The following SNX29 variants were observed in gnomAD, a reference collection of about 807,000 sequenced individuals.
The protein encoded by SNX29 is sorting nexin 29.
SNX29 carries 78 observed loss-of-function variants against 102.1 expected under a neutral mutation model. That is an observed-to-expected ratio of 0.76 (90% CI 0.64 to 0.92). The LOEUF (loss-of-function observed/expected upper bound fraction) is 0.92. Ranked by LOEUF, SNX29 falls within the 40% of genes least tolerant of loss-of-function variation. The probability of loss-of-function intolerance (pLI) is 0.00; values close to 1 mark genes in which losing one functional copy is unlikely to be tolerated. For synonymous variants in SNX29, 580 were observed against 414.5 expected (o/e 1.40, Z -4.85); for missense variants, 1,280 against 1,061.7 (o/e 1.21, Z -2.86).
intron 19 of SNX29, among the ~76,000 whole-genome samples, chr16:12,500,351 A>G (rs1051005570): frequency 1.3e-5 from 2 of 152,190 alleles, no homozygotes; most frequent in Non-Finnish European, 2.9e-5. Context: ...CTGCAGACCA[A>G]TAACTGAGGA....
intron 2 of SNX29, among the ~76,000 whole-genome samples, chr16:12,001,469 A>G (rs2056285627): frequency 6.6e-6 from 1 of 152,116 alleles, no homozygotes; most frequent in Non-Finnish European, 1.5e-5. Flanking sequence ...AAAGTGTTGC[A>G]TATGACTTTT....
intron 17 of SNX29, among the ~76,000 whole-genome samples, chr16:12,399,143 C>G (rs148952810): frequency 4.5e-4 from 69 of 152,136 alleles, no homozygotes; most frequent in Non-Finnish European, 6.2e-4. Context: ...CTCCGCCTAC[C>G]GGGTTTAAGT....
intron 16 of SNX29, among the ~76,000 whole-genome samples, chr16:12,363,593 C>T (rs2082367613): frequency 6.6e-6 from 1 of 152,202 alleles, no homozygotes; most frequent in African/African-American, 2.4e-5. Flanking sequence ...GACTCCGATC[C>T]CCTGTGCCTA....
intron 13 of SNX29, among the ~76,000 whole-genome samples, chr16:12,176,938 T>A (rs1447470751): frequency 6.8e-6 from 1 of 146,602 alleles, no homozygotes; most frequent in Non-Finnish European, 1.5e-5. Flanking sequence ...TGTTCAGGGT[T>A]TTTTTTTGTT....
chr16:12,045,748 C>T (rs1475990671), intron 5 of SNX29, among the ~76,000 whole-genome samples: 4 of 151,820 alleles, frequency 2.6e-5, no homozygotes, highest in East Asian at 3.9e-4. Context: ...CTCAGCCTCC[C>T]GAGTAGCTGG....
chr16:12,567,131 T>G (rs1323022881), intron 20 of SNX29, among the ~76,000 whole-genome samples: 2 of 152,218 alleles, frequency 1.3e-5, no homozygotes, highest in Non-Finnish European at 2.9e-5. Flanking sequence ...ACTCACATGA[T>G]TTGTGAAACT....
chr16:12,045,594 A>G (rs1225152667), intron 5 of SNX29, among the ~76,000 whole-genome samples: 1 of 133,322 alleles, frequency 7.5e-6, no homozygotes, highest in East Asian at 2.0e-4. Flanking sequence ...TCAGGTCTGT[A>G]ACCTAGGCAG....
Position 12,356,276 on chromosome 16 carries a change from A to G in SNX29, c.1896A>G (p.Gly632=). ...GGCAGGAGCTCATCGATCTCCGGGG[A>G]CCGGTGAGTGTTTCCCCAACCCTGT... is the stretch of plus-strand genomic sequence containing the variant. ...QMRQELIDLR[G]PVPGDLSQTS... Residue 632 remains glycine (G), a synonymous_variant, in exon 16 of 21, where the codon GGA becomes GGG. Coordinates refer to ENST00000566228, the MANE Select transcript of SNX29 (RefSeq NM_032167.5). 6.3e-7 allele frequency: 1 copy of G among 1,598,726 alleles called. No individual in the cohort carries two copies. The highest frequency in any genetic ancestry group is 1.1e-5 in the South Asian group (1 of 88,056).
intron 14 of SNX29, among the ~76,000 whole-genome samples, chr16:12,222,299 C>A (rs1596547465): frequency 6.6e-6 from 1 of 152,206 alleles, no homozygotes; most frequent in East Asian, 1.9e-4. Flanking sequence ...AATGGTTGAT[C>A]TGCCCACTGA....
At chr16:12,056,975 C>T (rs1176101923) in intron 8 of SNX29, among the ~76,000 whole-genome samples, 2 of 151,942 alleles carry the variant, frequency 1.3e-5, no homozygotes, top group African/African-American at 4.8e-5. Context: ...GTACATGCCA[C>T]CACGCCCAGC....
intron 11 of SNX29, among the ~76,000 whole-genome samples, chr16:12,120,337 CTT>C (rs1323259080): frequency 1.3e-5 from 2 of 152,140 alleles, no homozygotes; most frequent in Non-Finnish European, 2.9e-5. Context: ...TGTAAAGGCT[CTT>C]TGAGGTCTTT....
At chr16:12,467,053 G>A (rs1458179014) in intron 18 of SNX29, among the ~76,000 whole-genome samples, 3 of 152,176 alleles carry the variant, frequency 2.0e-5, no homozygotes, top group African/African-American at 7.2e-5. Context: ...AAAGGCAGTG[G>A]CCAGTGATGC....
At chr16:12,553,534 C>CA (rs1567185104) in intron 20 of SNX29, among the ~76,000 whole-genome samples, 1 of 152,104 alleles carries the variant, frequency 6.6e-6, no homozygotes, top group African/African-American at 2.4e-5. Context: ...GGAGGGACCC[C>CA]ACAGAGCACT....
chr16:12,491,458 A>G (rs2088540246), intron 19 of SNX29, among the ~76,000 whole-genome samples: 1 of 152,036 alleles, frequency 6.6e-6, no homozygotes, highest in Non-Finnish European at 1.5e-5. Context: ...TTTTATTTAT[A>G]TTTCACCAAC....
intron 15 of SNX29, among the ~76,000 whole-genome samples, chr16:12,338,696 G>A (rs996847000): frequency 3.9e-5 from 6 of 152,272 alleles, no homozygotes; most frequent in Middle Eastern, 3.4e-3. Flanking sequence ...CTTGATAAGG[G>A]ACATCATCCT....
rs868854756 is a variant in SNX29 at position 12,038,035 on chromosome 16, A to T, written c.248-4862A>T. 7.2e-5 allele frequency among the ~76,000 whole-genome samples: 11 copies of T among 152,242 alleles called. No individual in the cohort carries two copies. In the South Asian group the frequency reaches 2.1e-3, roughly 29 times the overall value. On this transcript the variant is annotated intron_variant, in intron 4 of 20. Transcript: ENST00000566228. Reference sequence around the variant, plus strand: ...AAGGAAAAGGAATGCTGTTTGGTGCACGTGTAGTAGTGATATTAATAGCTG... The same window carrying T: ...AAGGAAAAGGAATGCTGTTTGGTGCTCGTGTAGTAGTGATATTAATAGCTG...
intron 5 of SNX29, 44 bp downstream of exon 5, chr16:12,043,121 T>G (rs1596674460): frequency 6.2e-7 from 1 of 1,604,022 alleles, no homozygotes; most frequent in Admixed American, 1.7e-5. Context: ...GAGCAAGAGG[T>G]GAAGATCTTG....
rs138406534 is a variant in SNX29 at position 12,555,695 on chromosome 16, C to T, written c.2319-12811C>T. On this transcript the variant is annotated intron_variant, in intron 20 of 20. Transcript: ENST00000566228. ...AAGTCTGAGAATAAGCCTTCCGATA[C>T]TCTACGAGATTCTCCCTGATTGGCC... Among the ~76,000 whole-genome samples the T allele has an allele frequency of 2.8e-3, 421 of 152,232 alleles. 4 individuals carry two copies. The highest frequency in any genetic ancestry group is 9.6e-3 in the African/African-American group (401 of 41,576).
chr16:11,997,256 C>T (rs1318862065), intron 1 of SNX29, among the ~76,000 whole-genome samples: 1 of 152,154 alleles, frequency 6.6e-6, no homozygotes, highest in Non-Finnish European at 1.5e-5. Context: ...GAGCCTCTCC[C>T]CTTGCTGTTT....
Sources: gnomAD v4.1 joint callset for allele counts (sites outside exome capture counted in the v4.1 genomes callset) on GRCh38, gnomAD v4.1.1 for gene constraint, MANE v1.5 for transcripts, NCBI Gene and HGNC (gene_info 2026-07-23, HGNC 2026-07-21) for gene names.